The following NECAB1 variants were observed in gnomAD, a reference collection of about 807,000 sequenced individuals.
NECAB1 encodes the protein N-terminal EF-hand calcium-binding protein 1.
Under a neutral mutation model 57.5 loss-of-function variants are expected in NECAB1, and 29 were observed. The ratio of observed to expected loss-of-function variants is 0.50; its 90% confidence interval spans 0.38 to 0.69. The LOEUF (loss-of-function observed/expected upper bound fraction) is 0.69, where lower values mean the gene tolerates loss of function less well. Ranked by LOEUF, NECAB1 falls within the 30% of genes least tolerant of loss-of-function variation. The probability of loss-of-function intolerance (pLI) is 0.00; values close to 1 mark genes in which losing one functional copy is unlikely to be tolerated. For synonymous variants in NECAB1, 142 were observed against 147.7 expected (o/e 0.96, Z 0.28); for missense variants, 372 against 413.8 (o/e 0.90, Z 0.88).
chr8:90,925,447 C>T, intron 6 of NECAB1, 88 bp from the exon 7 acceptor site: 2 of 1,486,018 alleles, frequency 1.3e-6, no homozygotes, highest in South Asian at 1.2e-5. Flanking sequence ...ACTAGAAAAC[C>T]TTTATGACTG....
intron 8 of NECAB1, among the ~76,000 whole-genome samples, chr8:90,933,522 G>T (rs1419856033): frequency 1.3e-5 from 2 of 152,160 alleles, no homozygotes; most frequent in African/African-American, 4.8e-5. Context: ...TGGGAGCTAA[G>T]CTATGAGGAT....
At chr8:90,906,805 A>G (rs1312809271) in intron 5 of NECAB1, among the ~76,000 whole-genome samples, 1 of 148,440 alleles carries the variant, frequency 6.7e-6, no homozygotes, top group Non-Finnish European at 1.5e-5. Flanking sequence ...ATAGTCATCT[A>G]GAAACCTTTT....
intron 3 of NECAB1, among the ~76,000 whole-genome samples, chr8:90,860,254 T>A (rs1328262756): frequency 6.7e-6 from 1 of 148,518 alleles, no homozygotes; most frequent in African/African-American, 2.5e-5. Flanking sequence ...TTTTTTTTTT[T>A]AACGTTCTAG....
chr8:90,913,413 G>T (rs1284431501), intron 5 of NECAB1, among the ~76,000 whole-genome samples: 1 of 151,696 alleles, frequency 6.6e-6, no homozygotes, highest in Non-Finnish European at 1.5e-5. Context: ...GAAGTATAAC[G>T]TTAACTTTTA....
At chr8:90,821,813 T>A (rs1265549570) in intron 2 of NECAB1, among the ~76,000 whole-genome samples, 1 of 151,864 alleles carries the variant, frequency 6.6e-6, no homozygotes, top group Non-Finnish European at 1.5e-5. Flanking sequence ...AACACAGTTT[T>A]TTGGCACATA....
chr8:90,795,943 A>G (rs1038393811), intron 1 of NECAB1, among the ~76,000 whole-genome samples: 2 of 152,210 alleles, frequency 1.3e-5, no homozygotes, highest in African/African-American at 4.8e-5. Flanking sequence ...ACGTTTACCT[A>G]TGTAACAACC....
intron 9 of NECAB1, among the ~76,000 whole-genome samples, chr8:90,939,973 G>A (rs1156710694): frequency 6.6e-6 from 1 of 152,152 alleles, no homozygotes. Context: ...TATGATTCAT[G>A]CCAATCCTTA....
rs946803263 is a variant in NECAB1 at position 90,801,609 on chromosome 8, T to A, written c.100-82T>A. The A allele has an allele frequency of 1.0e-4, 85 of 825,530 alleles. No homozygotes were observed. In the African/African-American group the frequency reaches 1.2e-3, roughly 11 times the overall value. The allele number at this position is 825,530 out of a possible 1,614,324, so 51.1% of individuals were successfully genotyped here. Reference sequence around the variant, plus strand: ...AATTAGAATGTATTTTATTTAATTATGAATAAATTATGTGTAAGTGTAACG... The same window carrying A: ...AATTAGAATGTATTTTATTTAATTAAGAATAAATTATGTGTAAGTGTAACG... On this transcript the variant is annotated intron_variant, in intron 1 of 12. Coordinates refer to ENST00000417640, the MANE Select transcript of NECAB1 (RefSeq NM_022351.5).
intron 1 of NECAB1, among the ~76,000 whole-genome samples, chr8:90,797,331 G>A (rs1262734225): frequency 1.3e-5 from 2 of 152,180 alleles, no homozygotes; most frequent in African/African-American, 2.4e-5. Flanking sequence ...TCATTGGTGA[G>A]ATCTTTAATA....
Position 90,791,953 on chromosome 8 carries a change from C to A in NECAB1, c.67C>A (p.His23Asn), listed in dbSNP as rs762655146. ...CTCGGAGGAGCTCAGCTCTGCTCTG[C>A]ACCTGTCCAAGGGCATGTCGATCTT... is the stretch of plus-strand genomic sequence containing the variant. Reference protein sequence around the residue: ...NSSEELSSALHLSKGMSIFLD... With the variant: ...NSSEELSSALNLSKGMSIFLD... Residue 23 changes from histidine to asparagine, a missense_variant, in exon 1 of 13, where the codon CAC (histidine) becomes AAC (asparagine). His to Asn is a moderately conservative substitution (Grantham distance 68). Transcript: ENST00000417640. 34 of 1,552,686 alleles carry A rather than the reference C, an allele frequency of 2.2e-5. No individual in the cohort carries two copies. The highest frequency in any genetic ancestry group is 2.6e-5 in the Non-Finnish European group (30 of 1,147,602).
intron 2 of NECAB1, among the ~76,000 whole-genome samples, chr8:90,814,696 A>G (rs1812027694): frequency 2.0e-5 from 3 of 152,034 alleles, no homozygotes; most frequent in Admixed American, 6.5e-5. Context: ...ACATACCCTC[A>G]TAATTATGGG....
intron 5 of NECAB1, among the ~76,000 whole-genome samples, chr8:90,909,416 A>G (rs758935194): frequency 3.3e-5 from 5 of 151,638 alleles, no homozygotes; most frequent in African/African-American, 9.7e-5. Flanking sequence ...CTAGATCACC[A>G]GTATTTATGT....
intron 6 of NECAB1, among the ~76,000 whole-genome samples, 193 bp from the exon 7 acceptor site, chr8:90,925,342 T>C (rs888464758): frequency 7.2e-5 from 11 of 152,220 alleles, no homozygotes; most frequent in African/African-American, 2.7e-4. Flanking sequence ...AAGCTCAGAA[T>C]TCTCTTTCTT....
At chr8:90,923,948 G>C (rs1311359889) in intron 6 of NECAB1, among the ~76,000 whole-genome samples, 1 of 152,082 alleles carries the variant, frequency 6.6e-6, no homozygotes, top group Non-Finnish European at 1.5e-5. Flanking sequence ...AATTATCAAA[G>C]GAAGAATTTA....
In NECAB1 at chr8:90,803,613, G is replaced by A. The variant is rs140186757; in HGVS notation, c.124+1898G>A. On this transcript the variant is annotated intron_variant, in intron 2 of 12. Transcript: ENST00000417640. ...AGTGGTCACTTGCATTGGCAGACCC[G>A]TCTCATATTTCCTCACCTGCCCCCA... Among the ~76,000 whole-genome samples the A allele has an allele frequency of 6.3e-3, 953 of 152,188 alleles. 7 individuals are homozygous for A. The highest frequency in any genetic ancestry group is 0.021 in the African/African-American group (886 of 41,482).
intron 2 of NECAB1, among the ~76,000 whole-genome samples, chr8:90,823,598 C>T (rs1297233243): frequency 6.6e-6 from 1 of 151,720 alleles, no homozygotes; most frequent in Non-Finnish European, 1.5e-5. Flanking sequence ...TTTGGGGAAA[C>T]AAAATGTTCT....
At chr8:90,935,109 G>A (rs1419257180) in intron 9 of NECAB1, among the ~76,000 whole-genome samples, 1 of 152,130 alleles carries the variant, frequency 6.6e-6, no homozygotes, top group Non-Finnish European at 1.5e-5. Flanking sequence ...TAATCCCTTA[G>A]ATGTATTATA....
chr8:90,916,139 A>G (rs550050646), intron 5 of NECAB1, among the ~76,000 whole-genome samples: 5 of 152,350 alleles, frequency 3.3e-5, no homozygotes, highest in African/African-American at 1.2e-4. Context: ...GTAGATAAGA[A>G]AATTTCCTGT....
chr8:90,921,585 A>G (rs963649469), intron 6 of NECAB1, among the ~76,000 whole-genome samples: 1 of 152,136 alleles, frequency 6.6e-6, no homozygotes, highest in Non-Finnish European at 1.5e-5. Flanking sequence ...GAAGCAGAAG[A>G]ATCACTTGAA....
Sources: allele counts gnomAD v4.1 joint callset (sites outside exome capture counted in the v4.1 genomes callset), GRCh38; gene constraint gnomAD v4.1.1; transcripts MANE v1.5; gene names NCBI Gene and HGNC (gene_info 2026-07-23, HGNC 2026-07-21).